Variants in STK3 observed in about 807,000 individuals in gnomAD.
STK3 encodes serine/threonine kinase 3, also known as serine/threonine-protein kinase 3.
Under a neutral mutation model 58.0 loss-of-function variants are expected in STK3, and 41 were observed. That is an observed-to-expected ratio of 0.71 (90% CI 0.55 to 0.92). The LOEUF is 0.92. STK3 is among the 40% of genes least tolerant of loss of function. The probability of loss-of-function intolerance (pLI) is 0.00; values close to 1 mark genes in which losing one functional copy is unlikely to be tolerated. For synonymous variants in STK3, 170 were observed against 191.0 expected (o/e 0.89, Z 0.91); for missense variants, 479 against 602.7 (o/e 0.79, Z 2.15).
intron 2 of STK3, among the ~76,000 whole-genome samples, chr8:98,375,096 A>C (rs868530351): frequency 7.2e-5 from 11 of 151,972 alleles, no homozygotes; most frequent in Admixed American, 2.6e-4. Flanking sequence ...AACAACAAAA[A>C]AAAAAACTAT....
intron 10 of STK3, among the ~76,000 whole-genome samples, chr8:98,497,663 T>C (rs1389679471): frequency 1.3e-5 from 2 of 152,104 alleles, no homozygotes; most frequent in East Asian, 3.8e-4. Flanking sequence ...CCAAAGACAA[T>C]GTGCAAATGG....
chr8:98,499,436 A>G (rs1366699009), intron 10 of STK3, among the ~76,000 whole-genome samples: 1 of 152,202 alleles, frequency 6.6e-6, no homozygotes, highest in East Asian at 1.9e-4. Context: ...ACCTAAAACT[A>G]TGAAAGTGGC....
chr8:98,700,381 G>A (rs993866210), intron 6 of STK3, among the ~76,000 whole-genome samples: 3 of 152,116 alleles, frequency 2.0e-5, no homozygotes, highest in Non-Finnish European at 4.4e-5. Context: ...ACTGTCCTGC[G>A]CCCACTGTCT....
chr8:98,931,703 AG>A (rs1840011129), intron 1 of STK3, among the ~76,000 whole-genome samples: 1 of 152,210 alleles, frequency 6.6e-6, no homozygotes, highest in Non-Finnish European at 1.5e-5. Flanking sequence ...CTTGTAAGAA[AG>A]GAGCCCTGTC....
chr8:98,851,690 G>T (rs569623018), intron 3 of STK3, among the ~76,000 whole-genome samples: 1 of 152,226 alleles, frequency 6.6e-6, no homozygotes, highest in African/African-American at 2.4e-5. Flanking sequence ...GTAGGGCATG[G>T]TGGCTTATGC....
intron 10 of STK3, among the ~76,000 whole-genome samples, chr8:98,466,653 A>T (rs1396725465): frequency 6.6e-6 from 1 of 152,124 alleles, no homozygotes; most frequent in Non-Finnish European, 1.5e-5. Context: ...TCAGTGAGGT[A>T]TGTTTCCCTG....
chr8:98,703,906 C>T (rs556881785), intron 6 of STK3, among the ~76,000 whole-genome samples: 1 of 152,304 alleles, frequency 6.6e-6, no homozygotes, highest in African/African-American at 2.4e-5. Flanking sequence ...ATACCCCCCA[C>T]AAAACTACTG....
rs563181111 is a variant in STK3 at position 98,593,313 on chromosome 8, T to G, written c.822+2719A>C. On this transcript the variant is annotated intron_variant, in intron 7 of 10. Coordinates refer to ENST00000419617, the MANE Select transcript of STK3 (RefSeq NM_006281.4). ...AATCAATCACTATTTTAAAAATCCATCAGGAATTTCTTTTTAAATATTGTT... is the reference window on the plus strand; with the variant it reads ...AATCAATCACTATTTTAAAAATCCAGCAGGAATTTCTTTTTAAATATTGTT... Among the ~76,000 whole-genome samples the G allele has an allele frequency of 1.5e-4, 23 of 152,344 alleles. No individual in the cohort carries two copies. In the South Asian group the frequency reaches 4.8e-3, roughly 32 times the overall value.
chr8:98,711,419 CA>C (rs1044664109), intron 4 of STK3, among the ~76,000 whole-genome samples: 5 of 151,990 alleles, frequency 3.3e-5, no homozygotes, highest in Non-Finnish European at 7.4e-5. Flanking sequence ...CTAGAATAAC[CA>C]ATGCAGAGAA....
chr8:98,680,219 G>A (rs1200746134), intron 6 of STK3, among the ~76,000 whole-genome samples: 1 of 152,068 alleles, frequency 6.6e-6, no homozygotes, highest in Non-Finnish European at 1.5e-5. Flanking sequence ...GAGCTAAGAG[G>A]GAAAGGCAAT....
chr8:98,708,470 A>T (rs1826134865), intron 4 of STK3, among the ~76,000 whole-genome samples: 1 of 152,156 alleles, frequency 6.6e-6, no homozygotes, highest in African/African-American at 2.4e-5. Context: ...AGAACTCAGA[A>T]GAAAAAACGT....
chr8:98,770,844 TA>T (rs1831276715), intron 2 of STK3, among the ~76,000 whole-genome samples: 1 of 152,190 alleles, frequency 6.6e-6, no homozygotes, highest in Admixed American at 6.5e-5. Flanking sequence ...TGGGAACAGT[TA>T]CCATAATGAG....
chr8:98,722,361 T>C lies in STK3; in HGVS notation c.352-15050A>G, dbSNP rs147069840. On this transcript the variant is annotated intron_variant, in intron 4 of 10. Coordinates refer to ENST00000419617, the MANE Select transcript of STK3 (RefSeq NM_006281.4). ...TCTTTTAAATATCAATGGTGCCAAATGAACTTTGGACAAGAGAAATATCTG... is the reference window on the plus strand; with the variant it reads ...TCTTTTAAATATCAATGGTGCCAAACGAACTTTGGACAAGAGAAATATCTG... 2.6e-3 allele frequency among the ~76,000 whole-genome samples: 401 copies of C among 152,288 alleles called. 3 individuals carry two copies. Among genetic ancestry groups the C allele is most frequent in the African/African-American group, 9.4e-3 (389 of 41,562 alleles).
At chr8:98,747,751 T>C (rs900362175) in intron 4 of STK3, among the ~76,000 whole-genome samples, 3 of 152,170 alleles carry the variant, frequency 2.0e-5, no homozygotes, top group African/African-American at 7.2e-5. Flanking sequence ...CTGATCAATC[T>C]CTTGTGCAGC....
chr8:98,737,787 A>G (rs569860078), intron 4 of STK3, among the ~76,000 whole-genome samples: 4 of 152,266 alleles, frequency 2.6e-5, no homozygotes, highest in Admixed American at 2.6e-4. Context: ...AGCTCATTGC[A>G]ACCTCTGCCC....
intron 6 of STK3, among the ~76,000 whole-genome samples, chr8:98,664,109 A>T (rs760589330): frequency 6.6e-6 from 1 of 152,220 alleles, no homozygotes; most frequent in Non-Finnish European, 1.5e-5. Context: ...CACCACTCAG[A>T]TAAGTCTATA....
chr8:98,888,495 G>C (rs1293429665), intron 1 of STK3, among the ~76,000 whole-genome samples: 1 of 152,108 alleles, frequency 6.6e-6, no homozygotes. Context: ...GACACCCCCA[G>C]TCTAAATCAA....
chr8:98,621,581 A>G (rs1020369786), intron 6 of STK3, among the ~76,000 whole-genome samples: 4 of 152,104 alleles, frequency 2.6e-5, no homozygotes, highest in African/African-American at 9.7e-5. Flanking sequence ...CTTTATTCCT[A>G]TTATTCTGAG....
At chr8:98,677,550 G>A (rs1402656443) in intron 6 of STK3, among the ~76,000 whole-genome samples, 1 of 152,024 alleles carries the variant, frequency 6.6e-6, no homozygotes, top group Non-Finnish European at 1.5e-5. Flanking sequence ...GAAGAGGAAG[G>A]AAGAAGGAAG....
Sources: gnomAD v4.1 joint callset for allele counts (sites outside exome capture counted in the v4.1 genomes callset) on GRCh38, gnomAD v4.1.1 for gene constraint, MANE v1.5 for transcripts, NCBI Gene and HGNC (gene_info 2026-07-23, HGNC 2026-07-21) for gene names.